Variants in SPCS2 observed in about 807,000 individuals in gnomAD.
The protein encoded by SPCS2 is SPase 25 kDa subunit.
A neutral mutation model predicts 22.3 loss-of-function variants in SPCS2; 3 were observed. That is an observed-to-expected ratio of 0.13 (90% CI 0.06 to 0.35). The LOEUF (loss-of-function observed/expected upper bound fraction) is 0.35, where lower values mean the gene tolerates loss of function less well. Ranked by LOEUF, SPCS2 falls within the 10% of genes least tolerant of loss-of-function variation. The probability of loss-of-function intolerance (pLI) is 1.00; values close to 1 mark genes in which losing one functional copy is unlikely to be tolerated. For missense variants in SPCS2, 169 were observed against 280.9 expected, an observed-to-expected ratio of 0.60 and a Z score of 2.85; for synonymous variants, 67 against 97.2, an observed-to-expected ratio of 0.69 and a Z score of 1.83.
chr11:74,965,006 A>T, intron 1 of SPCS2, 28 bp from the exon 2 acceptor site: 1 of 1,506,206 alleles, frequency 6.6e-7, no homozygotes, highest in South Asian at 1.2e-5. Context: ...AGGTTTCTTG[A>T]TGCACAACTT....
chr11:74,973,017 A>G (rs949992044), intron 4 of SPCS2, among the ~76,000 whole-genome samples: 3 of 152,124 alleles, frequency 2.0e-5, no homozygotes, highest in Non-Finnish European at 2.9e-5. Flanking sequence ...GAATTGAACA[A>G]TGAGATCACA....
At chr11:74,957,837 G>A (rs1202750928) in intron 1 of SPCS2, among the ~76,000 whole-genome samples, 2 of 152,180 alleles carry the variant, frequency 1.3e-5, no homozygotes, top group Non-Finnish European at 2.9e-5. Flanking sequence ...CATACTGGAT[G>A]ATTATGCCAA....
chr11:74,976,745 G>GT, intron 4 of SPCS2, 112 bp from the exon 5 acceptor site: 2 of 1,354,254 alleles, frequency 1.5e-6, no homozygotes, highest in Non-Finnish European at 2.1e-6. Flanking sequence ...TTTGTTCCCT[G>GT]TATCACCGTG....
intron 1 of SPCS2, among the ~76,000 whole-genome samples, chr11:74,956,950 A>G (rs59172083): frequency 0.025 from 3,787 of 151,206 alleles, 138 homozygotes; most frequent in African/African-American, 0.088. Flanking sequence ...CCTTTATTCA[A>G]CTCTGCTCAG....
chr11:74,949,487 T>C, intron 1 of SPCS2, 88 bp downstream of exon 1: 3 of 1,209,864 alleles, frequency 2.5e-6, no homozygotes, highest in Non-Finnish European at 3.6e-6. Flanking sequence ...TCCCTTATTT[T>C]CTACGGCCTT....
intron 4 of SPCS2, among the ~76,000 whole-genome samples, chr11:74,975,839 G>C (rs1222971330): frequency 6.6e-6 from 1 of 152,144 alleles, no homozygotes; most frequent in Non-Finnish European, 1.5e-5. Flanking sequence ...AGAGCCTCAA[G>C]AAACTGCTTC....
At chr11:74,958,509 T>G (rs144580603) in intron 1 of SPCS2, among the ~76,000 whole-genome samples, 728 of 152,240 alleles carry the variant, frequency 4.8e-3, no homozygotes, top group Non-Finnish European at 5.6e-3. Context: ...TATGTGTGTG[T>G]GGGGGGGATA....
At chr11:74,974,023 C>T (rs1948601673) in intron 4 of SPCS2, among the ~76,000 whole-genome samples, 1 of 151,922 alleles carries the variant, frequency 6.6e-6, no homozygotes, top group Admixed American at 6.6e-5. Context: ...TCCTTTTCTT[C>T]TTGTGCTATC....
At chr11:74,969,163 C>A (rs1042328236) in intron 3 of SPCS2, among the ~76,000 whole-genome samples, 4 of 152,188 alleles carry the variant, frequency 2.6e-5, no homozygotes, top group African/African-American at 7.2e-5. Flanking sequence ...CACTTTTCTT[C>A]TCTTAATAAC....
chr11:74,971,230 C>T (rs1948582151), intron 4 of SPCS2, among the ~76,000 whole-genome samples: 1 of 152,224 alleles, frequency 6.6e-6, no homozygotes, highest in Non-Finnish European at 1.5e-5. Flanking sequence ...GGTCAAGTAA[C>T]ATTCCATTTT....
At chr11:74,964,389 A>G (rs1420753028) in intron 1 of SPCS2, among the ~76,000 whole-genome samples, 1 of 152,164 alleles carries the variant, frequency 6.6e-6, no homozygotes, top group Admixed American at 6.5e-5. Context: ...TGTCCACTCA[A>G]CTCGTGTTGG....
intron 3 of SPCS2, among the ~76,000 whole-genome samples, chr11:74,966,242 CT>C (rs1035468713): frequency 4.6e-5 from 7 of 152,182 alleles, no homozygotes; most frequent in African/African-American, 1.7e-4. Flanking sequence ...TAGCCCAGAA[CT>C]TTTCCCGTTA....
At chr11:74,970,618 G>T (rs1948578768) in intron 4 of SPCS2, among the ~76,000 whole-genome samples, 1 of 152,160 alleles carries the variant, frequency 6.6e-6, no homozygotes. Flanking sequence ...GTGCCATACA[G>T]ACTGTCTCAT....
At chr11:74,952,720 A>C (rs867483298) in intron 1 of SPCS2, among the ~76,000 whole-genome samples, 1 of 152,252 alleles carries the variant, frequency 6.6e-6, no homozygotes, top group Non-Finnish European at 1.5e-5. Flanking sequence ...CAACATGAGT[A>C]GCAGAAATAG....
chr11:74,956,288 C>T (rs1035557098), intron 1 of SPCS2, among the ~76,000 whole-genome samples: 1 of 152,066 alleles, frequency 6.6e-6, no homozygotes, highest in Non-Finnish European at 1.5e-5. Context: ...CTGGACCTTT[C>T]CTATAAGTCC....
chr11:74,954,537 G>T (rs892374101), intron 1 of SPCS2, among the ~76,000 whole-genome samples: 1 of 152,180 alleles, frequency 6.6e-6, no homozygotes, highest in African/African-American at 2.4e-5. Flanking sequence ...TCTACTGGAA[G>T]ATATCTTAGC....
intron 2 of SPCS2, 78 bp from the exon 3 acceptor site, chr11:74,965,685 A>G (rs370914590): frequency 2.5e-5 from 31 of 1,265,208 alleles, no homozygotes; most frequent in South Asian, 7.9e-5. Context: ...TGATTCTTTT[A>G]TCATGGAAAT....
intron 1 of SPCS2, chr11:74,963,688 G>GT (rs112133025): frequency 2.0e-5 from 8 of 391,134 alleles, no homozygotes; most frequent in African/African-American, 6.4e-5. Flanking sequence ...GGGATGGCAG[G>GT]TACTCACCAC....
chr11:74,974,654 A>T (rs1317278217), intron 4 of SPCS2, among the ~76,000 whole-genome samples: 2 of 152,036 alleles, frequency 1.3e-5, no homozygotes, highest in African/African-American at 4.8e-5. Context: ...TCACACTTTC[A>T]TCTAGGCTGG....
Sources: gnomAD v4.1 joint callset for allele counts (sites outside exome capture counted in the v4.1 genomes callset) on GRCh38, gnomAD v4.1.1 for gene constraint, MANE v1.5 for transcripts, NCBI Gene and HGNC (gene_info 2026-07-23, HGNC 2026-07-21) for gene names.